Variants in PELI2 observed in about 807,000 individuals in gnomAD.
The protein encoded by PELI2 is E3 ubiquitin-protein ligase pellino homolog 2.
A neutral mutation model predicts 42.3 loss-of-function variants in PELI2; 23 were observed. The observed-to-expected ratio is 0.54, with a 90% CI of 0.39 to 0.77. The LOEUF (loss-of-function observed/expected upper bound fraction) is 0.77. Among genes scored for constraint, PELI2 ranks in the 30% least tolerant of loss-of-function variants. The probability of loss-of-function intolerance (pLI) is 0.00; values close to 1 mark genes in which losing one functional copy is unlikely to be tolerated. For synonymous variants in PELI2, 245 were observed against 212.2 expected (o/e 1.15, Z -1.34); for missense variants, 463 against 553.2 (o/e 0.84, Z 1.64).
At chr14:56,198,849 G>A (rs1256123758) in intron 2 of PELI2, among the ~76,000 whole-genome samples, 4 of 152,064 alleles carry the variant, frequency 2.6e-5, no homozygotes, top group African/African-American at 9.7e-5. Context: ...GTCAATTTTG[G>A]TACTTTTATA....
At chr14:56,282,088 G>T (rs752847779) in intron 3 of PELI2, among the ~76,000 whole-genome samples, 13 of 152,020 alleles carry the variant, frequency 8.6e-5, no homozygotes, top group Non-Finnish European at 1.5e-4. Flanking sequence ...ACCTACATGC[G>T]CAACGCCATT....
At chr14:56,291,372 C>G (rs1371848247) in intron 5 of PELI2, among the ~76,000 whole-genome samples, 1 of 152,196 alleles carries the variant, frequency 6.6e-6, no homozygotes. Context: ...GGCTGTTTCA[C>G]TGACCTCATT....
chr14:56,184,773 G>A (rs1018469127), intron 2 of PELI2, among the ~76,000 whole-genome samples: 2 of 152,018 alleles, frequency 1.3e-5, no homozygotes, highest in Non-Finnish European at 2.9e-5. Flanking sequence ...TTAAGACTTG[G>A]TTTGCCCATT....
chr14:56,225,782 A>T (rs1241240637), intron 2 of PELI2, among the ~76,000 whole-genome samples: 2 of 152,204 alleles, frequency 1.3e-5, no homozygotes, highest in African/African-American at 2.4e-5. Flanking sequence ...GACTAGGGGC[A>T]GCCCCAGAAC....
At chr14:56,215,283 C>T (rs966590794) in intron 2 of PELI2, among the ~76,000 whole-genome samples, 2 of 152,206 alleles carry the variant, frequency 1.3e-5, no homozygotes, top group Admixed American at 6.5e-5. Flanking sequence ...GGAGGCTACA[C>T]CCTTTTCATG....
At position 56,174,320 on chromosome 14, in the gene PELI2, C is replaced by T. The variant is rs554700106; in HGVS notation, c.78-4015C>T. Among the ~76,000 whole-genome samples the T allele has an allele frequency of 3.3e-4, 51 of 152,372 alleles. No individual in the cohort carries two copies. In the South Asian group the frequency reaches 0.011, roughly 32 times the overall value. ...TCTGGTCTGGTCTTGCCTCTAATTT[C>T]TTCCAGTTCCTCCTGCACTGTGCCA... is the stretch of plus-strand genomic sequence containing the variant. On this transcript the variant is annotated intron_variant, in intron 1 of 5. Transcript: ENST00000267460.
Position 56,118,693 on chromosome 14 carries a change from C to A in PELI2, c.33C>A (p.Ala11=). 6.6e-7 allele frequency: 1 copy of A among 1,523,810 alleles called. No homozygotes were observed. The highest frequency in any genetic ancestry group is 8.8e-7 in the Non-Finnish European group (1 of 1,135,686). The allele number at this position is 1,523,810 out of a possible 1,614,324, so 94.4% of individuals were successfully genotyped here. A position where few individuals can be genotyped will look rare whatever the true frequency, so the allele number is the denominator to read the frequency against. The change falls in exon 1 of 6, where the codon GCC becomes GCA. Residue 11 remains alanine (A), a synonymous_variant. Transcript: ENST00000267460. MFSPGQEEHC[A]PNKEPVKYGE... ...CCCCTGGCCAGGAGGAACACTGCGC[C>A]CCCAATAAGGAGCCAGTGAAATACG...
chr14:56,146,273 G>T (rs1211532957), intron 1 of PELI2, among the ~76,000 whole-genome samples: 1 of 152,120 alleles, frequency 6.6e-6, no homozygotes, highest in African/African-American at 2.4e-5. Flanking sequence ...TTTTGTTAGT[G>T]ACAGACAATG....
At chr14:56,276,552 G>A (rs954024283) in intron 2 of PELI2, among the ~76,000 whole-genome samples, 18 of 152,146 alleles carry the variant, frequency 1.2e-4, no homozygotes, top group African/African-American at 4.3e-4. Flanking sequence ...AACTGGAAGT[G>A]ACTTCGAGGT....
intron 2 of PELI2, among the ~76,000 whole-genome samples, chr14:56,234,251 G>T (rs1887698432): frequency 6.6e-6 from 1 of 152,112 alleles, no homozygotes; most frequent in Non-Finnish European, 1.5e-5. Flanking sequence ...CCATTACTGG[G>T]TATATACCCA....
intron 2 of PELI2, among the ~76,000 whole-genome samples, chr14:56,274,199 A>G (rs242589): frequency 0.77 from 117,411 of 151,714 alleles, 46,001 homozygotes; most frequent in African/African-American, 0.89. Context: ...CCAGCAGGGA[A>G]AAGGACATTA....
chr14:56,291,535 A>G (rs901997690), intron 5 of PELI2, among the ~76,000 whole-genome samples: 3 of 152,234 alleles, frequency 2.0e-5, no homozygotes, highest in African/African-American at 4.8e-5. Flanking sequence ...AGCAAATTCA[A>G]TAAATTTTGT....
intron 1 of PELI2, among the ~76,000 whole-genome samples, chr14:56,148,614 G>C (rs1034066276): frequency 1.3e-5 from 2 of 152,214 alleles, no homozygotes; most frequent in African/African-American, 4.8e-5. Flanking sequence ...TCAAGACTCA[G>C]TGTAGGTGCC....
chr14:56,143,892 G>A (rs1021210006), intron 1 of PELI2, among the ~76,000 whole-genome samples: 1 of 152,054 alleles, frequency 6.6e-6, no homozygotes, highest in African/African-American at 2.4e-5. Flanking sequence ...CCTTTTATTG[G>A]AAGATGATAT....
At position 56,147,767 on chromosome 14, in the gene PELI2, T is replaced by C. The variant is rs187721176; in HGVS notation, c.77+29030T>C. On this transcript the variant is annotated intron_variant, in intron 1 of 5. Coordinates refer to ENST00000267460, the MANE Select transcript of PELI2 (RefSeq NM_021255.3). ...GAAAGTTAGGGGAGAGCTATAAATA[T>C]GTAGGAGGAAGAGAAGATATTTTGA... 2.3e-4 allele frequency among the ~76,000 whole-genome samples: 35 copies of C among 152,252 alleles called. 1 individual carries two copies. The East Asian group carries it at 6.8e-3, about 29-fold the overall frequency.
chr14:56,174,086 A>C (rs1265566731), intron 1 of PELI2, among the ~76,000 whole-genome samples: 3 of 152,086 alleles, frequency 2.0e-5, no homozygotes, highest in Admixed American at 6.5e-5. Context: ...TATTTTAAGT[A>C]GAGACAGGGT....
intron 1 of PELI2, among the ~76,000 whole-genome samples, chr14:56,145,517 A>T (rs958288674): frequency 3.9e-5 from 6 of 152,100 alleles, no homozygotes; most frequent in Non-Finnish European, 7.4e-5. Context: ...TCCCTTCCCC[A>T]CACCTTCTTT....
chr14:56,199,615 A>T (rs1338178292), intron 2 of PELI2, among the ~76,000 whole-genome samples: 1 of 152,236 alleles, frequency 6.6e-6, no homozygotes, highest in Non-Finnish European at 1.5e-5. Flanking sequence ...AGCAAGTATT[A>T]GTGAAAACCC....
intron 2 of PELI2, among the ~76,000 whole-genome samples, chr14:56,188,069 C>T (rs1273333274): frequency 6.6e-6 from 1 of 152,208 alleles, no homozygotes; most frequent in African/African-American, 2.4e-5. Context: ...GACGTCTCCC[C>T]TCACTCCCAG....
Sources: allele counts gnomAD v4.1 joint callset (sites outside exome capture counted in the v4.1 genomes callset), GRCh38; gene constraint gnomAD v4.1.1; transcripts MANE v1.5; gene names NCBI Gene and HGNC (gene_info 2026-07-23, HGNC 2026-07-21).